NEDD4: variants seen among roughly 807,000 people sequenced by gnomAD.
The protein encoded by NEDD4 is NEDD4 E3 ubiquitin protein ligase, also known as E3 ubiquitin-protein ligase NEDD4.
Under a neutral mutation model 144.9 loss-of-function variants are expected in NEDD4, and 99 were observed. The ratio of observed to expected loss-of-function variants is 0.68; its 90% CI spans 0.58 to 0.81. The LOEUF is 0.81. Among genes scored for constraint, NEDD4 ranks in the 30% least tolerant of loss-of-function variants. NEDD4 has a pLI of 0.00. For synonymous variants in NEDD4, 318 were observed against 350.6 expected, an observed-to-expected ratio of 0.91 and a Z score of 1.04; for missense variants, 985 against 1,065.9, an observed-to-expected ratio of 0.92 and a Z score of 1.06.
chr15:55,854,303 C>T (rs371915436), intron 12 of NEDD4, among the ~76,000 whole-genome samples: 6 of 152,178 alleles, frequency 3.9e-5, no homozygotes, highest in Admixed American at 6.5e-5. Flanking sequence ...ACTAAATACA[C>T]GGGAGTCCTA....
At chr15:55,844,891 T>C (rs1487175893) in intron 18 of NEDD4, among the ~76,000 whole-genome samples, 2 of 151,928 alleles carry the variant, frequency 1.3e-5, no homozygotes, top group African/African-American at 2.4e-5. Flanking sequence ...CAGTGCAGCT[T>C]TGAACTCCTG....
At chr15:55,870,610 T>G (rs2034757137) in intron 7 of NEDD4, among the ~76,000 whole-genome samples, 4 of 150,010 alleles carry the variant, frequency 2.7e-5, no homozygotes, top group Admixed American at 1.3e-4. Context: ...TACGGTTCAC[T>G]GCAGCCTTGA....
In NEDD4 at chr15:55,828,369, T is replaced by C. The variant is rs761676033; in HGVS notation, c.*1528A>G. Reference sequence around the variant, plus strand: ...ATCACCAAGATACCATACTGAGAAATAGGTTTAATCTTTTTAAGAGCATTT... The same window carrying C: ...ATCACCAAGATACCATACTGAGAAACAGGTTTAATCTTTTTAAGAGCATTT... On this transcript the variant is annotated 3_prime_UTR_variant, in exon 29 of 29. Transcript: ENST00000435532. 6.6e-6 allele frequency: 1 copy of C among 152,172 alleles called. No individual in the cohort carries two copies. Among genetic ancestry groups the C allele is most frequent in the Non-Finnish European group, 1.5e-5 (1 of 68,028 alleles). 9.4% of individuals were successfully genotyped at this position (152,172 alleles called of 1,614,324 possible).
chr15:55,843,692 G>GT (rs1463423093), intron 18 of NEDD4, among the ~76,000 whole-genome samples: 1 of 152,072 alleles, frequency 6.6e-6, no homozygotes, highest in Non-Finnish European at 1.5e-5. Flanking sequence ...ACATAATAAT[G>GT]TAAGCAGTTG....
chr15:55,966,945 T>C (rs2037523280), intron 1 of NEDD4, among the ~76,000 whole-genome samples: 1 of 152,106 alleles, frequency 6.6e-6, no homozygotes, highest in African/African-American at 2.4e-5. Context: ...TGGAGTGCAG[T>C]GGTGTGATCC....
intron 11 of NEDD4, 43 bp downstream of exon 11, chr15:55,860,364 A>C: frequency 1.9e-6 from 3 of 1,592,016 alleles, no homozygotes; most frequent in Non-Finnish European, 1.7e-6. Context: ...AATATGCATA[A>C]TATAAACTAC....
chr15:55,893,768 C>T (rs1595808372), intron 5 of NEDD4, among the ~76,000 whole-genome samples: 1 of 148,102 alleles, frequency 6.8e-6, no homozygotes, highest in African/African-American at 2.5e-5. Flanking sequence ...AACATCCTTC[C>T]TCTCAAAATC....
chr15:55,847,117 C>T (rs558538019), intron 17 of NEDD4, 83 bp from the exon 18 acceptor site: 30 of 773,948 alleles, frequency 3.9e-5, no homozygotes, highest in South Asian at 1.5e-4. Context: ...ATTTTATGAA[C>T]GTAAGGGCAT....
chr15:55,897,108 G>T (rs1466804208), intron 5 of NEDD4, among the ~76,000 whole-genome samples: 5 of 152,042 alleles, frequency 3.3e-5, no homozygotes, highest in African/African-American at 1.2e-4. Context: ...CGAGTAGCTG[G>T]GACTATAGGT....
At chr15:55,968,991 T>C (rs2037562586) in intron 1 of NEDD4, among the ~76,000 whole-genome samples, 1 of 152,134 alleles carries the variant, frequency 6.6e-6, no homozygotes, top group Non-Finnish European at 1.5e-5. Flanking sequence ...CTGATCACAG[T>C]ACCTAGTTTC....
chr15:55,883,523 C>T (rs1399195161), intron 5 of NEDD4, among the ~76,000 whole-genome samples: 2 of 150,368 alleles, frequency 1.3e-5, no homozygotes, highest in Non-Finnish European at 2.9e-5. Context: ...AGCCCTAGGG[C>T]CTTGGAGCAA....
intron 1 of NEDD4, among the ~76,000 whole-genome samples, chr15:55,971,766 A>G (rs950453973): frequency 6.6e-6 from 1 of 152,214 alleles, no homozygotes; most frequent in Non-Finnish European, 1.5e-5. Context: ...AAGGTTATAG[A>G]ATATCAAGCA....
At chr15:55,866,858 C>G (rs1231697755) in intron 8 of NEDD4, among the ~76,000 whole-genome samples, 2 of 152,076 alleles carry the variant, frequency 1.3e-5, no homozygotes, top group African/African-American at 4.8e-5. Flanking sequence ...GGATAGAAGG[C>G]CTTCCTATTA....
intron 2 of NEDD4, among the ~76,000 whole-genome samples, chr15:55,963,277 G>C (rs2142324097): frequency 6.6e-6 from 1 of 151,478 alleles, no homozygotes; most frequent in Non-Finnish European, 1.5e-5. Flanking sequence ...GACCACAGAT[G>C]CATACAACCA....
chr15:55,991,295 G>T (rs777814906), intron 1 of NEDD4, among the ~76,000 whole-genome samples: 27 of 152,182 alleles, frequency 1.8e-4, no homozygotes, highest in Non-Finnish European at 3.7e-4. Flanking sequence ...GGGGTGTTTG[G>T]GGGTGGGGAG....
intron 2 of NEDD4, among the ~76,000 whole-genome samples, chr15:55,962,427 C>CA (rs1227399159): frequency 6.6e-6 from 1 of 152,050 alleles, no homozygotes; most frequent in Non-Finnish European, 1.5e-5. Context: ...TTTCCATTGT[C>CA]ACTGCCCTTT....
chr15:55,915,989 T>G, intron 5 of NEDD4: 1 of 1,613,800 alleles, frequency 6.2e-7, no homozygotes, highest in Non-Finnish European at 8.5e-7. Context: ...ACAGACTTGT[T>G]GGAGAAGTCG....
At chr15:55,984,843 A>G (rs1201442769) in intron 1 of NEDD4, among the ~76,000 whole-genome samples, 2 of 152,256 alleles carry the variant, frequency 1.3e-5, no homozygotes, top group South Asian at 4.1e-4. Context: ...AGTAACATCA[A>G]TTGCCACAGA....
chr15:55,954,779 C>T (rs2037307570), intron 2 of NEDD4, among the ~76,000 whole-genome samples: 1 of 152,206 alleles, frequency 6.6e-6, no homozygotes, highest in East Asian at 1.9e-4. Flanking sequence ...CTGCCTTGGC[C>T]TCCCAAAGTG....
Sources: gnomAD v4.1 joint callset for allele counts (sites outside exome capture counted in the v4.1 genomes callset) on GRCh38, gnomAD v4.1.1 for gene constraint, MANE v1.5 for transcripts, NCBI Gene and HGNC (gene_info 2026-07-23, HGNC 2026-07-21) for gene names.